ZNF431: variants seen among roughly 807,000 people sequenced by gnomAD.
ZNF431 encodes the protein zinc finger protein 431.
ZNF431 carries 34 observed loss-of-function variants against 57.0 expected under a neutral mutation model. The ratio of observed to expected loss-of-function variants is 0.60; its 90% CI spans 0.45 to 0.79. The LOEUF (loss-of-function observed/expected upper bound fraction) is 0.79, where lower values mean the gene tolerates loss of function less well. Ranked by LOEUF, ZNF431 falls within the 30% of genes least tolerant of loss-of-function variation. ZNF431 has a pLI of 0.00. For missense variants in ZNF431, 607 were observed against 667.1 expected (o/e 0.91, Z 0.99); for synonymous variants, 207 against 220.3 (o/e 0.94, Z 0.54).
rs368960756 is a variant in ZNF431, at chr19:21,142,149, C to T, written c.-35C>T. 2 of 1,612,062 alleles carry T rather than the reference C, an allele frequency of 1.2e-6. No individual in the cohort carries two copies. Among genetic ancestry groups the T allele is most frequent in the African/African-American group, 2.7e-5 (2 of 74,914 alleles). The stretch of plus-strand genomic sequence containing the variant: ...TGACCTGCAGGTATTGGGAGACCCA[C>T]AGCTAAGACACCGGGACCCCCTGAA... On this transcript the variant is annotated 5_prime_UTR_variant, in exon 1 of 5. Transcript: ENST00000311048.
chr19:21,149,374 T>A (rs1970200309), intron 2 of ZNF431, among the ~76,000 whole-genome samples: 1 of 152,206 alleles, frequency 6.6e-6, no homozygotes, highest in South Asian at 2.1e-4. Flanking sequence ...CCAATGATCT[T>A]TAAAACTGTT....
intron 4 of ZNF431, among the ~76,000 whole-genome samples, chr19:21,175,041 G>A (rs1349385538): frequency 6.6e-6 from 1 of 151,564 alleles, no homozygotes; most frequent in Non-Finnish European, 1.5e-5. Context: ...ACAGGCATGA[G>A]CCGCTGCACC....
chr19:21,147,364 C>T (rs1245195554), intron 2 of ZNF431, among the ~76,000 whole-genome samples: 2 of 152,098 alleles, frequency 1.3e-5, no homozygotes, highest in African/African-American at 2.4e-5. Flanking sequence ...TGGTGGACGC[C>T]TGTAATCCCA....
At chr19:21,173,738 G>C (rs1437023984) in intron 4 of ZNF431, among the ~76,000 whole-genome samples, 1 of 151,792 alleles carries the variant, frequency 6.6e-6, no homozygotes, top group Non-Finnish European at 1.5e-5. Flanking sequence ...TGTTGGCCAG[G>C]CTGGTCTTGA....
chr19:21,156,581 G>A (rs1970422657), intron 2 of ZNF431, among the ~76,000 whole-genome samples: 1 of 151,736 alleles, frequency 6.6e-6, no homozygotes, highest in Non-Finnish European at 1.5e-5. Context: ...GTGTCCATGT[G>A]TTATTATTAT....
chr19:21,183,014 TG>T lies in ZNF431; in HGVS notation c.713del (p.Gly238AlafsTer43), dbSNP rs1160728300. 6.2e-7 allele frequency: 1 copy of T among 1,614,020 alleles called. No individual in the cohort carries two copies. Among genetic ancestry groups the T allele is most frequent in the Admixed American group, 1.7e-5 (1 of 59,996 alleles). ...AGAATTCTTACCAATGTGAAGAATG[TG>T]GCAAAGCTTTTAAATGGTTCTCAAC... is the stretch of plus-strand genomic sequence containing the variant. ...RENSYQCEECGKAFKWFSTLT... is the reference protein window; with the variant it reads ...RENSYQCEECXKAFKWFSTLT... On this transcript the variant is annotated frameshift_variant, in exon 5 of 5. Transcript: ENST00000311048. LOFTEE classifies it high-confidence loss of function.
At chr19:21,175,374 T>A (rs955928340) in intron 4 of ZNF431, 3 of 687,508 alleles carry the variant, frequency 4.4e-6, no homozygotes, top group Middle Eastern at 3.2e-4. Context: ...AAATGACTGC[T>A]TAAAGATATA....
chr19:21,175,355 T>C lies in ZNF431; in HGVS notation c.320-7268T>C, dbSNP rs75626084. 3,521 of 675,656 alleles carry C rather than the reference T, an allele frequency of 5.2e-3. 27 individuals carry two copies. The highest frequency in any genetic ancestry group is 7.5e-3 in the Middle Eastern group (23 of 3,068). The allele number at this position is 675,656 out of a possible 1,614,324, so 41.9% of individuals were successfully genotyped here. A position where few individuals can be genotyped will look rare whatever the true frequency, so the allele number is the denominator to read the frequency against. On this transcript the variant is annotated intron_variant, in intron 4 of 4. Transcript: ENST00000311048. Reference sequence around the variant, plus strand: ...CATTATTTTTATTAAGTAATTTAACTAATTTTTAAAATGACTGCTTAAAGA... The same window carrying C: ...CATTATTTTTATTAAGTAATTTAACCAATTTTTAAAATGACTGCTTAAAGA...
chr19:21,167,903 G>C (rs1309386472), intron 4 of ZNF431, among the ~76,000 whole-genome samples: 1 of 152,154 alleles, frequency 6.6e-6, no homozygotes, highest in Admixed American at 6.5e-5. Context: ...AAGTCTACAA[G>C]AGAGCCAAAG....
At chr19:21,144,145 T>C (rs546749679) in intron 2 of ZNF431, among the ~76,000 whole-genome samples, 155 of 152,298 alleles carry the variant, frequency 1.0e-3, no homozygotes, top group Non-Finnish European at 1.8e-3. Context: ...TGTTTACTTA[T>C]TTTGACCTCA....
At chr19:21,151,016 T>C (rs1300460848) in intron 2 of ZNF431, 1 of 152,176 alleles carries the variant, frequency 6.6e-6, no homozygotes, top group Non-Finnish European at 1.5e-5. Flanking sequence ...CTTGAATATC[T>C]GCTGTACTTA....
chr19:21,142,226 G>A (rs1969959420), intron 1 of ZNF431, 40 bp downstream of exon 1: 2 of 1,612,746 alleles, frequency 1.2e-6, no homozygotes, highest in African/African-American at 1.3e-5. Flanking sequence ...GAGGGGAAGG[G>A]CTGGTTGTAA....
intron 2 of ZNF431, among the ~76,000 whole-genome samples, chr19:21,147,332 C>CA (rs528665015): frequency 2.2e-4 from 34 of 151,516 alleles, no homozygotes; most frequent in South Asian, 8.3e-4. Context: ...ACTAAAAATA[C>CA]AAAAAAAATA....
chr19:21,189,758 A>T lies in ZNF431; in HGVS notation c.*5724A>T. 1 of 395,204 alleles carries T rather than the reference A, an allele frequency of 2.5e-6. No individual in the cohort carries two copies. The highest frequency in any genetic ancestry group is 2.1e-5 in the African/African-American group (1 of 48,668). The allele number at this position is 395,204 out of a possible 1,614,324, so 24.5% of individuals were successfully genotyped here. A position where few individuals can be genotyped will look rare whatever the true frequency, so the allele number is the denominator to read the frequency against. On this transcript the variant is annotated 3_prime_UTR_variant, in exon 5 of 5. Coordinates refer to ENST00000311048, the MANE Select transcript of ZNF431 (RefSeq NM_133473.4). Reference sequence around the variant, plus strand: ...GTTTTTTGGAATCCATGTGTAAGTGAAATTATGAGACACTAATCTTTCTGT... The same window carrying T: ...GTTTTTTGGAATCCATGTGTAAGTGTAATTATGAGACACTAATCTTTCTGT...
intron 2 of ZNF431, among the ~76,000 whole-genome samples, chr19:21,149,349 A>G (rs1276195755): frequency 1.3e-5 from 2 of 152,206 alleles, no homozygotes; most frequent in East Asian, 1.9e-4. Context: ...TATATTTTGA[A>G]GACTTTTTAT....
Position 21,152,778 on chromosome 19 carries a change from C to T in ZNF431, c.96+9135C>T, listed in dbSNP as rs115798856. The stretch of plus-strand genomic sequence containing the variant: ...TGCACACCACTCACCCAAAGTCAGC[C>T]GATTGGTGCACACAGATGATTTTCC... On this transcript the variant is annotated intron_variant, in intron 2 of 4. Transcript: ENST00000311048. Among the ~76,000 whole-genome samples, 624 of 152,172 alleles carry T rather than the reference C, an allele frequency of 4.1e-3. 3 individuals are homozygous for T. The highest frequency in any genetic ancestry group is 0.014 in the African/African-American group (570 of 41,514).
chr19:21,143,503 G>A (rs1969997851), intron 1 of ZNF431, 48 bp from the exon 2 acceptor site: 1 of 1,467,582 alleles, frequency 6.8e-7, no homozygotes, highest in Non-Finnish European at 9.6e-7. Flanking sequence ...GGTTATGTCA[G>A]CTAAAGTGCC....
At chr19:21,168,290 TATC>T (rs1161565461) in intron 4 of ZNF431, among the ~76,000 whole-genome samples, 2 of 152,186 alleles carry the variant, frequency 1.3e-5, no homozygotes, top group Admixed American at 6.5e-5. Flanking sequence ...CCACTGGAAT[TATC>T]ATGGGGAGTT....
chr19:21,143,047 A>G (rs1969983989), intron 1 of ZNF431, among the ~76,000 whole-genome samples: 1 of 151,914 alleles, frequency 6.6e-6, no homozygotes, highest in Non-Finnish European at 1.5e-5. Flanking sequence ...CCCATTCCTC[A>G]TTTCTCCAGC....
Sources: gnomAD v4.1 joint callset for allele counts (sites outside exome capture counted in the v4.1 genomes callset) on GRCh38, gnomAD v4.1.1 for gene constraint, MANE v1.5 for transcripts, NCBI Gene and HGNC (gene_info 2026-07-23, HGNC 2026-07-21) for gene names.